TMEM131: variants seen among roughly 807,000 people sequenced by gnomAD.
TMEM131 encodes transmembrane protein 131.
TMEM131 carries 66 observed loss-of-function variants against 211.6 expected under a neutral mutation model. The ratio of observed to expected loss-of-function variants is 0.31; its 90% CI spans 0.26 to 0.38. The LOEUF (loss-of-function observed/expected upper bound fraction) is 0.38, where lower values mean the gene tolerates loss of function less well. TMEM131 is among the 10% of genes least tolerant of loss of function. The probability of loss-of-function intolerance (pLI) is 1.00; values close to 1 mark genes in which losing one functional copy is unlikely to be tolerated. For missense variants in TMEM131, 2,036 were observed against 2,299.3 expected, an observed-to-expected ratio of 0.89 and a Z score of 2.34; for synonymous variants, 844 against 841.3, an observed-to-expected ratio of 1.00 and a Z score of -0.06.
At chr2:97,858,399 A>G (rs1673932413) in intron 5 of TMEM131, among the ~76,000 whole-genome samples, 1 of 152,248 alleles carries the variant, frequency 6.6e-6, no homozygotes. Context: ...AAAGTTTTTA[A>G]TAATGAGTTT....
chr2:97,795,463 T>TA (rs1341944690), intron 28 of TMEM131, among the ~76,000 whole-genome samples: 3 of 152,178 alleles, frequency 2.0e-5, no homozygotes, highest in Non-Finnish European at 4.4e-5. Flanking sequence ...ATGTCTTTTT[T>TA]AAAAAAACAA....
intron 4 of TMEM131, among the ~76,000 whole-genome samples, chr2:97,862,067 G>C (rs1391344704): frequency 6.6e-6 from 1 of 151,466 alleles, no homozygotes; most frequent in Non-Finnish European, 1.5e-5. Context: ...AGTAAGGAAA[G>C]AGAACAGGAA....
At chr2:97,945,468 T>A (rs1677990871) in intron 1 of TMEM131, among the ~76,000 whole-genome samples, 1 of 152,168 alleles carries the variant, frequency 6.6e-6, no homozygotes, top group African/African-American at 2.4e-5. Flanking sequence ...TGTATCTCAA[T>A]ATTTTAAAAG....
intron 1 of TMEM131, among the ~76,000 whole-genome samples, chr2:97,950,672 T>A (rs978872285): frequency 1.3e-5 from 2 of 152,002 alleles, no homozygotes; most frequent in Admixed American, 6.6e-5. Context: ...AGAAATCATG[T>A]AGAAGTTGAA....
At chr2:97,766,050 A>G in intron 35 of TMEM131, 64 bp downstream of exon 35, 1 of 1,591,440 alleles carries the variant, frequency 6.3e-7, no homozygotes, top group Non-Finnish European at 8.6e-7. Flanking sequence ...GAAGAGTTCC[A>G]TGCCCAGAGT....
chr2:97,795,194 G>T, intron 28 of TMEM131, 79 bp from the exon 29 acceptor site: 3 of 1,013,852 alleles, frequency 3.0e-6, no homozygotes, highest in East Asian at 2.5e-5. Flanking sequence ...GGTCCTATAA[G>T]CCTTTGAAAT....
At chr2:97,767,403 G>A (rs1293824375) in intron 33 of TMEM131, among the ~76,000 whole-genome samples, 1 of 152,202 alleles carries the variant, frequency 6.6e-6, no homozygotes, top group Non-Finnish European at 1.5e-5. Flanking sequence ...ACAGCATTGT[G>A]AGTAGAATAC....
chr2:97,935,974 G>A (rs903172652), intron 1 of TMEM131, among the ~76,000 whole-genome samples: 1 of 152,152 alleles, frequency 6.6e-6, no homozygotes, highest in South Asian at 2.1e-4. Context: ...CAGCCTGACA[G>A]GCAATAAGGG....
At chr2:97,858,661 T>C (rs753730505) in intron 5 of TMEM131, among the ~76,000 whole-genome samples, 1 of 152,054 alleles carries the variant, frequency 6.6e-6, no homozygotes, top group Non-Finnish European at 1.5e-5. Flanking sequence ...AGGTACAAAG[T>C]GCCAGGGGAA....
intron 31 of TMEM131, among the ~76,000 whole-genome samples, chr2:97,789,366 C>T (rs1468184362): frequency 6.6e-6 from 1 of 152,248 alleles, no homozygotes; most frequent in Non-Finnish European, 1.5e-5. Context: ...TGCTGGGATG[C>T]TCCACAGCCA....
At chr2:97,978,354 CTA>C (rs1196334474) in intron 1 of TMEM131, among the ~76,000 whole-genome samples, 10 of 152,304 alleles carry the variant, frequency 6.6e-5, no homozygotes, top group Non-Finnish European at 1.0e-4. Flanking sequence ...ATCACTTCAT[CTA>C]TAAGAAGCAA....
chr2:97,868,630 G>A (rs886959989), intron 4 of TMEM131, among the ~76,000 whole-genome samples: 4 of 152,114 alleles, frequency 2.6e-5, no homozygotes, highest in South Asian at 4.1e-4. Context: ...TGTGGCTGAC[G>A]TTCTGTAGAT....
intron 5 of TMEM131, among the ~76,000 whole-genome samples, chr2:97,854,451 C>T (rs1673757581): frequency 6.6e-6 from 1 of 152,192 alleles, no homozygotes; most frequent in Admixed American, 6.5e-5. Flanking sequence ...CAACTCCTTT[C>T]TTCACCTCTT....
At chr2:97,881,723 A>AAGGGGGG (rs1491361818) in intron 4 of TMEM131, among the ~76,000 whole-genome samples, 1 of 65,562 alleles carries the variant, frequency 1.5e-5, no homozygotes, top group Non-Finnish European at 2.6e-5. Context: ...AAAAAAAAAA[A>AAGGGGGG]GGGGGGGGGG....
At chr2:97,872,417 CCAAT>C (rs762514960) in intron 4 of TMEM131, among the ~76,000 whole-genome samples, 4 of 152,124 alleles carry the variant, frequency 2.6e-5, no homozygotes, top group Non-Finnish European at 5.9e-5. Context: ...GTGAGAAGTT[CCAAT>C]CATGCAAACC....
chr2:97,872,357 A>G (rs1237753889), intron 4 of TMEM131, among the ~76,000 whole-genome samples: 2 of 152,112 alleles, frequency 1.3e-5, no homozygotes, highest in Non-Finnish European at 2.9e-5. Context: ...CTTTACCTTT[A>G]GCCCCAAACC....
chr2:97,958,283 C>T (rs1678663428), intron 1 of TMEM131, among the ~76,000 whole-genome samples: 1 of 152,190 alleles, frequency 6.6e-6, no homozygotes, highest in African/African-American at 2.4e-5. Flanking sequence ...GGTCAAACTT[C>T]TGGCAAGTGG....
Position 97,805,615 on chromosome 2 carries a change from A to G in TMEM131, c.2144T>C (p.Val715Ala). 1 of 1,611,642 alleles carries G rather than the reference A, an allele frequency of 6.2e-7. No individual in the cohort carries two copies. Among genetic ancestry groups the G allele is most frequent in the Non-Finnish European group, 8.5e-7 (1 of 1,178,146 alleles). The change falls in exon 20 of 41, where the codon GTG becomes GCG. Residue 715 changes from valine (V) to alanine (A), a missense_variant. Transcript: ENST00000186436. The part of the protein sequence containing the change: ...IQQIRSLSED[V>A]RFYYKRLRGN... ...CCGTAATCGTTTATAGTAAAATCGC[A>G]CATCTTCTGACAAAGATCGTATTTG... is the stretch of plus-strand genomic sequence containing the variant.
intron 11 of TMEM131, among the ~76,000 whole-genome samples, chr2:97,829,514 G>A (rs1259319038): frequency 6.6e-6 from 1 of 152,154 alleles, no homozygotes; most frequent in East Asian, 1.9e-4. Context: ...TCTGTAAAAT[G>A]GACCAATCAG....
Sources: gnomAD v4.1 joint callset for allele counts (sites outside exome capture counted in the v4.1 genomes callset) on GRCh38, gnomAD v4.1.1 for gene constraint, MANE v1.5 for transcripts, NCBI Gene and HGNC (gene_info 2026-07-23, HGNC 2026-07-21) for gene names.